RNF213: variants seen among roughly 807,000 people sequenced by gnomAD.
RNF213 encodes the protein ring finger protein 213, also known as E3 ubiquitin-protein ligase RNF213.
In RNF213, 341 loss-of-function variants were observed where a neutral mutation model predicts 514.4. The ratio of observed to expected loss-of-function variants is 0.66; its 90% CI spans 0.61 to 0.73. The LOEUF is 0.73. Among genes scored for constraint, RNF213 ranks in the 30% least tolerant of loss-of-function variants. The pLI is 0.00. For missense variants in RNF213, 5,767 were observed against 6,615.6 expected, an observed-to-expected ratio of 0.87 and a Z score of 4.45; for synonymous variants, 2,655 against 2,658.2, an observed-to-expected ratio of 1.00 and a Z score of 0.04.
intron 20 of RNF213, among the ~76,000 whole-genome samples, chr17:80,329,318 G>A (rs1343024047): frequency 2.6e-5 from 4 of 152,210 alleles, no homozygotes; most frequent in South Asian, 2.1e-4. Flanking sequence ...TCAGTCGCTC[G>A]GCTAGGTCTA....
chr17:80,328,132 TA>T (rs2143931425), intron 19 of RNF213, 143 bp downstream of exon 19: 1 of 1,161,644 alleles, frequency 8.6e-7, no homozygotes, highest in Non-Finnish European at 1.2e-6. Context: ...CATAAGTTGA[TA>T]GGGGTGGTTT....
intron 1 of RNF213, among the ~76,000 whole-genome samples, chr17:80,261,168 C>T (rs945256433): frequency 6.6e-6 from 1 of 152,068 alleles, no homozygotes; most frequent in South Asian, 2.1e-4. Flanking sequence ...GCGACATCCC[C>T]GGAGCGCAGA....
At chr17:80,311,639 G>A (rs1236511757) in intron 14 of RNF213, among the ~76,000 whole-genome samples, 1 of 152,146 alleles carries the variant, frequency 6.6e-6, no homozygotes, top group Non-Finnish European at 1.5e-5. Context: ...GTATAGTGAC[G>A]CTGTGTTCCC....
chr17:80,296,892 G>A (rs1013638986), intron 10 of RNF213, among the ~76,000 whole-genome samples: 2 of 151,720 alleles, frequency 1.3e-5, no homozygotes, highest in African/African-American at 2.4e-5. Context: ...ATGTTGCCAC[G>A]GTGGTCTTGA....
chr17:80,347,687 C>G lies in RNF213; in HGVS notation c.9352C>G (p.Gln3118Glu). 6.2e-7 allele frequency: 1 copy of G among 1,614,012 alleles called. No individual in the cohort carries two copies. Among genetic ancestry groups the G allele is most frequent in the Non-Finnish European group, 8.5e-7 (1 of 1,179,886 alleles). The change falls in exon 29 of 68, where the codon CAG becomes GAG. Residue 3118 changes from glutamine (Q) to glutamate (E), a missense_variant. Gln to Glu is a conservative substitution (Grantham distance 29, BLOSUM62 2). Transcript: ENST00000582970. The surrounding 1 kb of genome is among the most constrained non-coding windows in gnomAD (Gnocchi z 7.2). ...LYESLYDALN[Q>E]YYVHLGGQKY... ...CGAGAGCCTCTACGACGCACTCAAC[C>G]AGTACTACGTCCACCTCGGCGGCCA... is the stretch of plus-strand genomic sequence containing the variant.
chr17:80,370,459 T>C (rs1314955726), intron 46 of RNF213, among the ~76,000 whole-genome samples: 1 of 152,216 alleles, frequency 6.6e-6, no homozygotes, highest in East Asian at 1.9e-4. Context: ...TTAAAAAACA[T>C]GTTGATACTT....
chr17:80,293,341 G>A (rs73444352), intron 8 of RNF213, among the ~76,000 whole-genome samples: 2,220 of 152,070 alleles, frequency 0.015, 45 homozygotes, highest in African/African-American at 0.051. Context: ...GGATTAAGAC[G>A]TGAGCCACTG....
intron 10 of RNF213, 142 bp downstream of exon 10, chr17:80,295,955 C>A: frequency 1.2e-6 from 1 of 854,242 alleles, no homozygotes. Flanking sequence ...TCACTGTGGT[C>A]ATGTCAGTAG....
intron 44 of RNF213, among the ~76,000 whole-genome samples, chr17:80,368,662 A>ACCTCAGGT (rs1045556201): frequency 3.3e-5 from 5 of 152,128 alleles, no homozygotes; most frequent in Non-Finnish European, 5.9e-5. Flanking sequence ...CGAACTCCTG[A>ACCTCAGGT]CCTCAGGTGA....
rs1169468181 is a variant in RNF213 at position 80,347,827 on chromosome 17, C to T, written c.9492C>T (p.Pro3164=). Residue 3164 remains proline (P), a synonymous_variant, in exon 29 of 68, where the codon CCC becomes CCT. Transcript: ENST00000582970. This position sits in a 1 kb window ranked among gnomAD's most constrained non-coding sequence, Gnocchi z 7.2. ...TCGTGTACAAACACTTTCCCATCCC[C>T]CTCATTAACCGGCTGGAGAAGCACT... ...KDVVYKHFPI[P]LINRLEKHYL... 2.5e-6 allele frequency: 4 copies of T among 1,614,050 alleles called. No individual in the cohort carries two copies. Among genetic ancestry groups the T allele is most frequent in the Non-Finnish European group, 3.4e-6 (4 of 1,180,036 alleles).
chr17:80,367,993 G>A lies in RNF213; in HGVS notation c.12005G>A (p.Gly4002Glu), dbSNP rs745443824. ...FGIQPCSICLGDAKDPVCLPC... is the reference protein window; with the variant it reads ...FGIQPCSICLEDAKDPVCLPC... Reference sequence around the variant, plus strand: ...ATTCAGCCGTGCTCCATCTGCCTGGGAGATGCAAAGGACCCCGTCTGTCTG... The same window carrying A: ...ATTCAGCCGTGCTCCATCTGCCTGGAAGATGCAAAGGACCCCGTCTGTCTG... The change falls in exon 44 of 68, where the codon GGA becomes GAA. Residue 4002 changes from glycine to glutamate, a missense_variant. Physicochemically the swap from Gly to Glu is moderately conservative, Grantham distance 98 (BLOSUM62 -2). Around this residue, in one of 13 missense-constraint regions of RNF213, gnomAD observed 25 missense variants for 53.1 expected, o/e 0.47. Coordinates refer to ENST00000582970, the MANE Select transcript of RNF213 (RefSeq NM_001256071.3). The A allele has an allele frequency of 8.1e-6, 13 of 1,614,102 alleles. No individual in the cohort carries two copies. In the East Asian group the frequency reaches 1.8e-4, roughly 22 times the overall value.
chr17:80,358,557 T>C (rs2078920406), intron 37 of RNF213, 78 bp downstream of exon 37: 2 of 1,348,300 alleles, frequency 1.5e-6, no homozygotes, highest in Non-Finnish European at 2.1e-6. Flanking sequence ...TCCCAAGTGC[T>C]GGGTGAAACG....
chr17:80,309,482 C>T lies in RNF213; in HGVS notation c.2655+311C>T, dbSNP rs184406341. Among the ~76,000 whole-genome samples the T allele has an allele frequency of 8.5e-5, 13 of 152,288 alleles. No homozygotes were observed. In the East Asian group the frequency reaches 1.9e-3, roughly 23 times the overall value. On this transcript the variant is annotated intron_variant, in intron 14 of 67. Coordinates refer to ENST00000582970, the MANE Select transcript of RNF213 (RefSeq NM_001256071.3). ...GGCGCAGGGGCTGGGGGTCAGGCAA[C>T]GCCACGCGGAGAAGACGACTTTTCT...
chr17:80,354,057 T>C lies in RNF213; in HGVS notation c.10617T>C (p.Cys3539=), dbSNP rs1317230452. The part of the protein sequence containing the change: ...ILDTTRLLRS[C]VQSAVGMLRD... ...ACACCACCAGGCTGCTGAGAAGCTGTGTGCAGAGCGCCGTGGGCATGCTCA... is the reference window on the plus strand; with the variant it reads ...ACACCACCAGGCTGCTGAGAAGCTGCGTGCAGAGCGCCGTGGGCATGCTCA... The change falls in exon 35 of 68, where the codon TGT becomes TGC. Residue 3539 remains cysteine (C), a synonymous_variant. Transcript: ENST00000582970. 3 of 1,613,990 alleles carry C rather than the reference T, an allele frequency of 1.9e-6. No homozygotes were observed. Among genetic ancestry groups the C allele is most frequent in the Non-Finnish European group, 2.5e-6 (3 of 1,180,034 alleles).
At chr17:80,312,635 T>C (rs921253560) in intron 14 of RNF213, among the ~76,000 whole-genome samples, 5 of 152,148 alleles carry the variant, frequency 3.3e-5, no homozygotes, top group Non-Finnish European at 5.9e-5. Context: ...CTGTCTCCTG[T>C]GTCTAAGGAA....
chr17:80,355,517 G>T (rs1168894052), intron 36 of RNF213, among the ~76,000 whole-genome samples: 3 of 93,306 alleles, frequency 3.2e-5, no homozygotes, highest in African/African-American at 1.1e-4. Flanking sequence ...GGGAATGGGG[G>T]CTTACAGGGG....
rs2079750937 is a variant in RNF213 at position 80,376,206 on chromosome 17, T to C, written c.13186-95T>C. 7 of 1,428,296 alleles carry C rather than the reference T, an allele frequency of 4.9e-6. No homozygotes were observed. The Admixed American group carries it at 1.2e-4, about 24-fold the overall frequency. 88.5% of individuals were successfully genotyped at this position (1,428,296 alleles called of 1,614,324 possible). A position where few individuals can be genotyped will look rare whatever the true frequency, so the allele number is the denominator to read the frequency against. On this transcript the variant is annotated intron_variant, in intron 51 of 67. Coordinates refer to ENST00000582970, the MANE Select transcript of RNF213 (RefSeq NM_001256071.3). The stretch of plus-strand genomic sequence containing the variant: ...GGTGGTGATTTCTCCATATTTACCT[T>C]GATATTTGATGTGTATTTGGTGTCA...
In RNF213 at chr17:80,317,968, A is replaced by G. The variant is rs929241138; in HGVS notation, c.2901+691A>G. Among the ~76,000 whole-genome samples, 18 of 152,098 alleles carry G rather than the reference A, an allele frequency of 1.2e-4. No individual in the cohort carries two copies. Among genetic ancestry groups the G allele is most frequent in the Non-Finnish European group, 1.3e-4 (9 of 67,994 alleles). On this transcript the variant is annotated intron_variant, in intron 16 of 67. Coordinates refer to ENST00000582970, the MANE Select transcript of RNF213 (RefSeq NM_001256071.3). This position sits in a 1 kb window ranked among gnomAD's most constrained non-coding sequence, Gnocchi z 4.1. ...TATTAAGCAATGGAAATGGCTCTCC[A>G]TGGAGAGGGGAGCTGGAGAGGGGAT...
Position 80,377,561 on chromosome 17 carries a change from CTCA to C in RNF213, c.13511-200_13511-198del. On this transcript the variant is annotated intron_variant, in intron 53 of 67. Transcript: ENST00000582970. The surrounding 1 kb of genome is among the most constrained non-coding windows in gnomAD (Gnocchi z 4.1). ...ACTTGATAAAATTAATAAAATTAGA[CTCA>C]GACATTTTTCACTGACAACATACAT... The C allele has an allele frequency of 1.5e-6, 1 of 661,370 alleles. No individual in the cohort carries two copies. The highest frequency in any genetic ancestry group is 2.8e-6 in the Non-Finnish European group (1 of 358,202). The allele number at this position is 661,370 out of a possible 1,614,324, so 41.0% of individuals were successfully genotyped here. A position where few individuals can be genotyped will look rare whatever the true frequency, so the allele number is the denominator to read the frequency against.
Sources: allele counts gnomAD v4.1 joint callset (sites outside exome capture counted in the v4.1 genomes callset), GRCh38; gene constraint gnomAD v4.1.1; regional missense constraint gnomAD v4.1.1; non-coding constraint Gnocchi (gnomAD v3.1); transcripts MANE v1.5; gene names NCBI Gene and HGNC (gene_info 2026-07-23, HGNC 2026-07-21).